UBE2E2: variants seen among roughly 807,000 people sequenced by gnomAD.
The protein encoded by UBE2E2 is ubiquitin-conjugating enzyme E2 E2.
UBE2E2 carries 6 observed loss-of-function variants against 24.7 expected under a neutral mutation model. The ratio of observed to expected loss-of-function variants is 0.24; its 90% CI spans 0.13 to 0.48. The LOEUF is 0.48. Ranked by LOEUF, UBE2E2 falls within the 20% of genes least tolerant of loss-of-function variation. The probability of loss-of-function intolerance (pLI) is 0.99; values close to 1 mark genes in which losing one functional copy is unlikely to be tolerated. For synonymous variants in UBE2E2, 104 were observed against 83.6 expected (o/e 1.24, Z -1.33); for missense variants, 169 against 245.0 (o/e 0.69, Z 2.07).
At chr3:23,395,105 A>C (rs1233726316) in intron 3 of UBE2E2, among the ~76,000 whole-genome samples, 2 of 152,208 alleles carry the variant, frequency 1.3e-5, no homozygotes, top group Non-Finnish European at 1.5e-5. Flanking sequence ...CTTGGTCAGA[A>C]GGAGGAGCGG....
chr3:23,419,197 G>C (rs1697733930), intron 3 of UBE2E2, among the ~76,000 whole-genome samples: 1 of 152,006 alleles, frequency 6.6e-6, no homozygotes, highest in African/African-American at 2.4e-5. Context: ...GCTTCCTCCT[G>C]GCCTCAAGCA....
chr3:23,277,658 C>A (rs905863404), intron 3 of UBE2E2, among the ~76,000 whole-genome samples: 4 of 152,024 alleles, frequency 2.6e-5, no homozygotes, highest in African/African-American at 9.7e-5. Flanking sequence ...AATTTTAATT[C>A]TTCCATTAAC....
At chr3:23,243,124 T>C (rs1461504527) in intron 3 of UBE2E2, among the ~76,000 whole-genome samples, 1 of 151,810 alleles carries the variant, frequency 6.6e-6, no homozygotes, top group Non-Finnish European at 1.5e-5. Flanking sequence ...AAAATAGTTA[T>C]CACTGAATAG....
chr3:23,249,677 A>C (rs569433715), intron 3 of UBE2E2, among the ~76,000 whole-genome samples: 14 of 151,374 alleles, frequency 9.2e-5, no homozygotes, highest in Non-Finnish European at 1.9e-4. Flanking sequence ...AAATTTTGAG[A>C]TGGAGTCTTG....
intron 3 of UBE2E2, chr3:23,389,635 T>C (rs1696887856): frequency 3.8e-6 from 1 of 266,094 alleles, no homozygotes; most frequent in Middle Eastern, 1.6e-3. Context: ...GCTTTTGTCT[T>C]ATTTTGCCCT....
intron 3 of UBE2E2, among the ~76,000 whole-genome samples, chr3:23,217,941 TCTTAC>T (rs1290022147): frequency 1.3e-5 from 2 of 152,120 alleles, no homozygotes; most frequent in Non-Finnish European, 2.9e-5. Flanking sequence ...AAAAATAACC[TCTTAC>T]CTTATGCTGC....
rs544543246 is a variant in UBE2E2, at chr3:23,328,669, T to TA, written c.227+111357_227+111358insA. Among the ~76,000 whole-genome samples the TA allele has an allele frequency of 5.3e-4, 80 of 151,868 alleles. 1 individual carries two copies. The highest frequency in any genetic ancestry group is 1.0e-3 in the Non-Finnish European group (69 of 67,930). Reference sequence around the variant, plus strand: ...GCCGTAATCTCTCTCTCTCTTTTTTTTTTTTTGTTTTGAGACGGAGTCTCG... The same window carrying TA: ...GCCGTAATCTCTCTCTCTCTTTTTTTATTTTTTGTTTTGAGACGGAGTCTCG... On this transcript the variant is annotated intron_variant, in intron 3 of 5. Transcript: ENST00000396703.
chr3:23,363,971 GA>G (rs1479826772), intron 3 of UBE2E2, among the ~76,000 whole-genome samples: 2 of 147,350 alleles, frequency 1.4e-5, no homozygotes, highest in African/African-American at 5.0e-5. Context: ...AATAAAAATA[GA>G]AATCAATACT....
At chr3:23,293,809 A>G (rs1323802759) in intron 3 of UBE2E2, among the ~76,000 whole-genome samples, 1 of 152,148 alleles carries the variant, frequency 6.6e-6, no homozygotes, top group East Asian at 1.9e-4. Flanking sequence ...CTCTGGCATA[A>G]ACTTTGTTTT....
intron 3 of UBE2E2, among the ~76,000 whole-genome samples, chr3:23,426,749 A>G (rs1697936603): frequency 6.6e-6 from 1 of 152,210 alleles, no homozygotes; most frequent in Non-Finnish European, 1.5e-5. Flanking sequence ...GAAGTTCTTC[A>G]GAGAGAAGGA....
At chr3:23,268,881 C>T (rs1341861596) in intron 3 of UBE2E2, among the ~76,000 whole-genome samples, 2 of 152,050 alleles carry the variant, frequency 1.3e-5, no homozygotes, top group Admixed American at 6.5e-5. Flanking sequence ...CAGAACAGAG[C>T]CCTGAGAAAT....
At chr3:23,437,945 A>G (rs1387039289) in intron 3 of UBE2E2, among the ~76,000 whole-genome samples, 1 of 152,214 alleles carries the variant, frequency 6.6e-6, no homozygotes, top group East Asian at 1.9e-4. Flanking sequence ...TAAATGCAGT[A>G]TGAGCACAGT....
At chr3:23,271,345 A>G (rs1396943434) in intron 3 of UBE2E2, among the ~76,000 whole-genome samples, 3 of 152,196 alleles carry the variant, frequency 2.0e-5, no homozygotes, top group Admixed American at 6.5e-5. Context: ...GAGTGAAGCT[A>G]CAGACCTTCA....
chr3:23,237,056 G>A (rs1292492558), intron 3 of UBE2E2, among the ~76,000 whole-genome samples: 1 of 152,114 alleles, frequency 6.6e-6, no homozygotes, highest in East Asian at 1.9e-4. Context: ...GCTAGACTAC[G>A]TATACATAGC....
intron 3 of UBE2E2, among the ~76,000 whole-genome samples, chr3:23,224,536 A>G (rs538100622): frequency 8.5e-6 from 1 of 117,618 alleles, no homozygotes; most frequent in East Asian, 2.7e-4. Context: ...ATTTCTTGAC[A>G]GTTCTAACAG....
chr3:23,557,179 A>C (rs976022149), intron 5 of UBE2E2, among the ~76,000 whole-genome samples: 1 of 152,208 alleles, frequency 6.6e-6, no homozygotes, highest in Admixed American at 6.5e-5. Context: ...TGGTGGACTA[A>C]ATCAAATAAG....
intron 5 of UBE2E2, among the ~76,000 whole-genome samples, chr3:23,550,078 A>G (rs894922065): frequency 6.6e-6 from 1 of 151,974 alleles, no homozygotes; most frequent in Non-Finnish European, 1.5e-5. Flanking sequence ...AAATCTTTAG[A>G]TAACTCCTTT....
chr3:23,486,909 C>T (rs1699385481), intron 3 of UBE2E2, among the ~76,000 whole-genome samples: 1 of 152,232 alleles, frequency 6.6e-6, no homozygotes, highest in Non-Finnish European at 1.5e-5. Context: ...GCCCAGTCCC[C>T]AGACTTCAGG....
intron 5 of UBE2E2, among the ~76,000 whole-genome samples, chr3:23,538,877 T>C (rs1455478175): frequency 6.6e-6 from 1 of 152,196 alleles, no homozygotes; most frequent in East Asian, 1.9e-4. Context: ...CTTTGTCAAT[T>C]CTGTAAAAAT....
Sources: allele counts gnomAD v4.1 joint callset (sites outside exome capture counted in the v4.1 genomes callset), GRCh38; gene constraint gnomAD v4.1.1; transcripts MANE v1.5; gene names NCBI Gene and HGNC (gene_info 2026-07-23, HGNC 2026-07-21).